The following NDUFA10 variants were observed in gnomAD, a reference collection of about 807,000 sequenced individuals.
The protein encoded by NDUFA10 is NADH:ubiquinone oxidoreductase subunit A10, also known as NADH dehydrogenase [ubiquinone] 1 alpha subcomplex subunit 10, mitochondrial.
In NDUFA10, 40 loss-of-function variants were observed where a neutral mutation model predicts 47.8. The observed-to-expected ratio is 0.84, with a 90% CI of 0.65 to 1.09. NDUFA10 has a LOEUF of 1.09. Among genes scored for constraint, NDUFA10 ranks in the 50% least tolerant of loss-of-function variants. NDUFA10 has a pLI of 0.00. For missense variants in NDUFA10, 413 were observed against 451.1 expected (o/e 0.92, Z 0.76); for synonymous variants, 183 against 172.2 (o/e 1.06, Z -0.49).
chr2:239,916,932 T>C (rs1490838679), intron 4 of NDUFA10, among the ~76,000 whole-genome samples: 2 of 152,206 alleles, frequency 1.3e-5, no homozygotes, highest in Non-Finnish European at 2.9e-5. Context: ...CCAGGAGCCA[T>C]GGGGTGCTGG....
chr2:240,022,428 A>G (rs1697661263), intron 1 of NDUFA10, 88 bp from the exon 2 acceptor site: 1 of 1,573,892 alleles, frequency 6.4e-7, no homozygotes, highest in Non-Finnish European at 8.7e-7. Context: ...ATACCAAGAA[A>G]CCTCTTAGTG....
chr2:240,022,126 A>C (rs769331701), intron 2 of NDUFA10, 46 bp downstream of exon 2: 1 of 1,553,814 alleles, frequency 6.4e-7, no homozygotes, highest in East Asian at 2.3e-5. Context: ...ATAAGCAACC[A>C]TATATCTGAG....
At chr2:239,969,286 T>A (rs1314805593) in intron 9 of NDUFA10, among the ~76,000 whole-genome samples, 2 of 152,066 alleles carry the variant, frequency 1.3e-5, no homozygotes, top group Non-Finnish European at 2.9e-5. Context: ...CTGGAAAACA[T>A]AAAAAGCACC....
chr2:239,971,236 G>A (rs1031336609), intron 9 of NDUFA10, among the ~76,000 whole-genome samples: 2 of 152,216 alleles, frequency 1.3e-5, no homozygotes, highest in East Asian at 3.8e-4. Context: ...TCATTCAGGA[G>A]AAAGCCAAAG....
intron 4 of NDUFA10, among the ~76,000 whole-genome samples, chr2:239,927,796 G>T (rs1694089899): frequency 6.6e-6 from 1 of 152,168 alleles, no homozygotes. Context: ...ACATCAGCGT[G>T]GCAGCCGCCA....
chr2:239,974,469 T>C (rs899693376), intron 9 of NDUFA10, among the ~76,000 whole-genome samples: 2 of 152,372 alleles, frequency 1.3e-5, no homozygotes, highest in African/African-American at 2.4e-5. Context: ...TGTGTACCCA[T>C]GTCACCAGCA....
At chr2:239,961,614 C>T (rs747611429) in intron 9 of NDUFA10, among the ~76,000 whole-genome samples, 19 of 152,194 alleles carry the variant, frequency 1.2e-4, no homozygotes, top group African/African-American at 3.9e-4. Context: ...AAAAGCCCCG[C>T]GTGAAATTCC....
rs143238915 is a variant in NDUFA10 at position 239,928,895 on chromosome 2, C to T, written c.295-33581G>A. ...CCGCGAATCCTCCCAGCCTTGACTC[C>T]GAAACGCTTTGTCTCCCATCGCCCC... On this transcript the variant is annotated intron_variant, in intron 4 of 5. Transcript: ENST00000419408. This position sits in a 1 kb window ranked among gnomAD's most constrained non-coding sequence, Gnocchi z 4.3. 0.011 allele frequency among the ~76,000 whole-genome samples: 1,679 copies of T among 152,324 alleles called. 7 individuals are homozygous for T. The highest frequency in any genetic ancestry group is 0.017 in the Non-Finnish European group (1,170 of 68,038).
intron 9 of NDUFA10, among the ~76,000 whole-genome samples, chr2:239,978,529 C>T (rs1695625337): frequency 6.6e-6 from 1 of 152,170 alleles, no homozygotes; most frequent in Non-Finnish European, 1.5e-5. Context: ...GCTCTTCTGA[C>T]CAACCCCGAT....
chr2:239,994,918 T>G (rs1245921573), intron 8 of NDUFA10, among the ~76,000 whole-genome samples: 1 of 152,086 alleles, frequency 6.6e-6, no homozygotes, highest in Non-Finnish European at 1.5e-5. Context: ...AAGAAAAAAC[T>G]GAAAATCAAT....
At chr2:239,910,321 C>T (rs145091583) in intron 4 of NDUFA10, among the ~76,000 whole-genome samples, 119 of 152,254 alleles carry the variant, frequency 7.8e-4, no homozygotes, top group Non-Finnish European at 1.4e-3. Flanking sequence ...AACCTAAATG[C>T]CCATCAATGA....
At chr2:240,006,880 T>C (rs186868736) in intron 7 of NDUFA10, among the ~76,000 whole-genome samples, 19 of 152,368 alleles carry the variant, frequency 1.2e-4, no homozygotes, top group African/African-American at 4.3e-4. Flanking sequence ...AAATGTTCTT[T>C]CGTTATTCTT....
intron 9 of NDUFA10, among the ~76,000 whole-genome samples, 156 bp from the exon 10 acceptor site, chr2:239,961,342 G>A (rs1487621697): frequency 2.6e-5 from 4 of 152,278 alleles, no homozygotes; most frequent in Non-Finnish European, 4.4e-5. Flanking sequence ...TCCTGTGAGT[G>A]CAAGGATGCC....
chr2:240,017,646 C>T (rs1013371003), intron 4 of NDUFA10, among the ~76,000 whole-genome samples: 7 of 152,204 alleles, frequency 4.6e-5, no homozygotes, highest in African/African-American at 1.7e-4. Flanking sequence ...ACTCCAGAAA[C>T]ACTTGCTGGT....
Position 239,960,865 on chromosome 2 carries a change from G to A in NDUFA10, c.*253C>T. 1 of 1,397,354 alleles carries A rather than the reference G, an allele frequency of 7.2e-7. No individual in the cohort carries two copies. The highest frequency in any genetic ancestry group is 9.4e-7 in the Non-Finnish European group (1 of 1,069,348). The allele number at this position is 1,397,354 out of a possible 1,614,324, so 86.6% of individuals were successfully genotyped here. A position where few individuals can be genotyped will look rare whatever the true frequency, so the allele number is the denominator to read the frequency against. ...AGCTGGCCTTTCACAGCAGACCACTGTTTTCCAGTGAGAATGGTGGGCCAT... is the reference window on the plus strand; with the variant it reads ...AGCTGGCCTTTCACAGCAGACCACTATTTTCCAGTGAGAATGGTGGGCCAT... On this transcript the variant is annotated 3_prime_UTR_variant, in exon 10 of 10. Transcript: ENST00000252711.
chr2:239,911,005 C>T lies in NDUFA10; in HGVS notation c.295-15691G>A, dbSNP rs533992819. The stretch of plus-strand genomic sequence containing the variant: ...CAGCCACCCCACCACAGTCACACTG[C>T]GTGTTTCCCCAGAGCACCTCCAGTG... On this transcript the variant is annotated intron_variant, in intron 4 of 5. Coordinates refer to the NDUFA10 transcript ENST00000419408. Among the ~76,000 whole-genome samples the T allele has an allele frequency of 1.1e-4, 17 of 152,318 alleles. No individual in the cohort carries two copies. The South Asian group carries it at 1.2e-3, about 11-fold the overall frequency.
chr2:239,925,970 T>C (rs1056789183), intron 4 of NDUFA10, among the ~76,000 whole-genome samples: 1 of 152,170 alleles, frequency 6.6e-6, no homozygotes, highest in Non-Finnish European at 1.5e-5. Flanking sequence ...TCAGAGCAAC[T>C]AAAATTAAAA....
chr2:240,021,286 T>C lies in NDUFA10; in HGVS notation c.371A>G (p.Asn124Ser), dbSNP rs750400710. ...LEKFYDDPRSNDGNSYRLQSW... is the reference protein window; with the variant it reads ...LEKFYDDPRSSDGNSYRLQSW... Reference sequence around the variant, plus strand: ...CTGCAGGCGGTAACTGTTGCCATCATTGCTTCTCGGATCATCGTAAAATTT... The same window carrying C: ...CTGCAGGCGGTAACTGTTGCCATCACTGCTTCTCGGATCATCGTAAAATTT... The change falls in exon 3 of 10, where the codon AAT becomes AGT. Residue 124 changes from asparagine (N) to serine (S), a missense_variant. Transcript: ENST00000252711. 5 of 1,614,228 alleles carry C rather than the reference T, an allele frequency of 3.1e-6. No individual in the cohort carries two copies. The highest frequency in any genetic ancestry group is 1.7e-5 in the Admixed American group (1 of 60,032).
chr2:239,896,731 C>T (rs6737883), intron 4 of NDUFA10, among the ~76,000 whole-genome samples: 82,701 of 151,954 alleles, frequency 0.54, 22,685 homozygotes, highest in East Asian at 0.77. Flanking sequence ...TCATATGTGT[C>T]GTGGTTACGT....
Sources: gnomAD v4.1 joint callset for allele counts (sites outside exome capture counted in the v4.1 genomes callset) on GRCh38, gnomAD v4.1.1 for gene constraint, Gnocchi (gnomAD v3.1) non-coding constraint, MANE v1.5 for transcripts, NCBI Gene and HGNC (gene_info 2026-07-23, HGNC 2026-07-21) for gene names.